CFAP54: variants seen among roughly 807,000 people sequenced by gnomAD.
CFAP54 encodes the protein cilia- and flagella-associated protein 54.
In CFAP54, 290 loss-of-function variants were observed where a neutral mutation model predicts 370.4. That is an observed-to-expected ratio of 0.78 (90% CI 0.71 to 0.86). CFAP54 has a LOEUF of 0.86. CFAP54 is among the 40% of genes least tolerant of loss of function. CFAP54 has a pLI of 0.00. For missense variants in CFAP54, 3,399 were observed against 3,528.7 expected, an observed-to-expected ratio of 0.96 and a Z score of 0.93; for synonymous variants, 1,206 against 1,236.5, an observed-to-expected ratio of 0.98 and a Z score of 0.52.
intron 66 of CFAP54, among the ~76,000 whole-genome samples, chr12:96,858,363 G>A (rs554092077): frequency 2.0e-4 from 31 of 152,092 alleles, no homozygotes; most frequent in African/African-American, 7.2e-4. Context: ...TGTAAATTTG[G>A]TTTCAGTTCC....
intron 26 of CFAP54, among the ~76,000 whole-genome samples, chr12:96,613,966 C>T (rs1292343913): frequency 6.6e-6 from 1 of 152,186 alleles, no homozygotes; most frequent in African/African-American, 2.4e-5. Context: ...CCTTCTGAAA[C>T]TATTCCAATC....
chr12:96,771,317 G>C (rs965716143), intron 60 of CFAP54, among the ~76,000 whole-genome samples: 1 of 152,170 alleles, frequency 6.6e-6, no homozygotes, highest in African/African-American at 2.4e-5. Flanking sequence ...CTGTCCACTG[G>C]TTTGAGTAGA....
chr12:96,720,557 G>T lies in CFAP54; in HGVS notation c.6957G>T (p.Ala2319=). ...LAAVALQRHR[A]AYSAAIVFST... Reference sequence around the variant, plus strand: ...CAGTTGCTCTGCAGAGGCACCGGGCGGCATACAGGTGCGTCTCTCCATGCA... The same window carrying T: ...CAGTTGCTCTGCAGAGGCACCGGGCTGCATACAGGTGCGTCTCTCCATGCA... Residue 2319 remains alanine (A), a synonymous_variant, in exon 50 of 68, where the codon GCG becomes GCT. Transcript: ENST00000524981. 1.3e-6 allele frequency: 2 copies of T among 1,543,578 alleles called. No individual in the cohort carries two copies. Among genetic ancestry groups the T allele is most frequent in the East Asian group, 4.8e-5 (2 of 41,308 alleles).
Position 96,811,726 on chromosome 12 carries a change from T to A in CFAP54, c.8851-10T>A, listed in dbSNP as rs899394579. ...TGTCACATTTTATACCCCTTTTATT[T>A]TTCTTATAGGTTTTATTGTTGTATG... On this transcript the variant is annotated splice_polypyrimidine_tract_variant and intron_variant, in intron 63 of 67. Transcript: ENST00000524981. 2.9e-6 allele frequency: 4 copies of A among 1,403,336 alleles called. No individual in the cohort carries two copies. Among genetic ancestry groups the A allele is most frequent in the Non-Finnish European group, 3.8e-6 (4 of 1,058,084 alleles). The allele number at this position is 1,403,336 out of a possible 1,614,324, so 86.9% of individuals were successfully genotyped here.
intron 17 of CFAP54, among the ~76,000 whole-genome samples, chr12:96,555,707 T>C (rs1198480073): frequency 6.6e-6 from 1 of 151,550 alleles, no homozygotes; most frequent in Admixed American, 6.6e-5. Context: ...GCTACAAGTA[T>C]GCAAAAAATT....
At chr12:96,696,549 A>G (rs1216358858) in intron 45 of CFAP54, among the ~76,000 whole-genome samples, 1 of 152,174 alleles carries the variant, frequency 6.6e-6, no homozygotes. Flanking sequence ...CATAAAAACC[A>G]GAGAAGAACT....
chr12:96,770,497 G>A (rs1958450412), intron 60 of CFAP54, among the ~76,000 whole-genome samples: 1 of 152,216 alleles, frequency 6.6e-6, no homozygotes, highest in Non-Finnish European at 1.5e-5. Flanking sequence ...GTTCATGTGA[G>A]AGAAAACATT....
chr12:96,647,830 A>AT, intron 33 of CFAP54, 45 bp from the exon 34 acceptor site: 1 of 1,436,110 alleles, frequency 7.0e-7, no homozygotes, highest in South Asian at 1.4e-5. Context: ...ATTTAATTCA[A>AT]TTTTGCTTAT....
intron 14 of CFAP54, 42 bp from the exon 15 acceptor site, chr12:96,547,860 C>A: frequency 2.0e-6 from 2 of 1,014,080 alleles, no homozygotes; most frequent in Admixed American, 5.2e-5. Context: ...TTCTCCCTTC[C>A]CCTCCATCCT....
At chr12:96,623,702 T>C (rs1956524309) in intron 27 of CFAP54, 65 bp from the exon 28 acceptor site, 1 of 751,282 alleles carries the variant, frequency 1.3e-6, no homozygotes, top group South Asian at 1.7e-5. Context: ...TAAAGAATGT[T>C]GTTTGAAAAG....
chr12:96,664,821 A>ATATG (rs1957060316), intron 39 of CFAP54, among the ~76,000 whole-genome samples: 2 of 135,332 alleles, frequency 1.5e-5, no homozygotes, highest in Non-Finnish European at 3.2e-5. Flanking sequence ...ATAGATATAT[A>ATATG]TATGTATATC....
At chr12:96,760,693 C>A (rs535120631) in intron 58 of CFAP54, among the ~76,000 whole-genome samples, 1 of 152,274 alleles carries the variant, frequency 6.6e-6, no homozygotes, top group East Asian at 1.9e-4. Flanking sequence ...CCGCCATGCC[C>A]AGCTAATAGA....
intron 1 of CFAP54, among the ~76,000 whole-genome samples, chr12:96,494,436 G>A (rs1158333364): frequency 1.3e-5 from 2 of 152,068 alleles, no homozygotes; most frequent in African/African-American, 2.4e-5. Flanking sequence ...GAGTAGCTGG[G>A]ATTATAGGCG....
chr12:96,602,114 A>G (rs1349402093), intron 26 of CFAP54, among the ~76,000 whole-genome samples: 2 of 152,182 alleles, frequency 1.3e-5, no homozygotes, highest in Non-Finnish European at 2.9e-5. Context: ...ATTTCCCTCT[A>G]CACACTGCTT....
chr12:96,781,000 C>T (rs530942677), intron 60 of CFAP54, among the ~76,000 whole-genome samples: 65 of 152,122 alleles, frequency 4.3e-4, no homozygotes, highest in African/African-American at 1.5e-3. Context: ...TGAGAATGCG[C>T]CCCAGCACAC....
At chr12:96,672,607 G>T (rs1179329316) in intron 39 of CFAP54, among the ~76,000 whole-genome samples, 1 of 152,186 alleles carries the variant, frequency 6.6e-6, no homozygotes, top group Non-Finnish European at 1.5e-5. Context: ...CTCATAGTCA[G>T]AAACAATGGG....
At chr12:96,520,342 G>A (rs1440589154) in intron 6 of CFAP54, among the ~76,000 whole-genome samples, 2 of 152,012 alleles carry the variant, frequency 1.3e-5, no homozygotes, top group Admixed American at 6.6e-5. Context: ...TCAGGAGTTC[G>A]AGACCAGCTT....
At chr12:96,633,426 A>G (rs1956629890) in intron 32 of CFAP54, among the ~76,000 whole-genome samples, 1 of 152,206 alleles carries the variant, frequency 6.6e-6, no homozygotes, top group South Asian at 2.1e-4. Flanking sequence ...CATTGATATA[A>G]TCCACTGACC....
chr12:96,664,771 C>CTATATATATATATA (rs1326435212), intron 39 of CFAP54, among the ~76,000 whole-genome samples: 1 of 69,148 alleles, frequency 1.4e-5, no homozygotes, highest in Admixed American at 1.4e-4. Flanking sequence ...ATATCTATAT[C>CTATATATATATATA]TATATCTATA....
Sources: gnomAD v4.1 joint callset for allele counts (sites outside exome capture counted in the v4.1 genomes callset) on GRCh38, gnomAD v4.1.1 for gene constraint, MANE v1.5 for transcripts, NCBI Gene and HGNC (gene_info 2026-07-23, HGNC 2026-07-21) for gene names.